The following ASIC2 variants were observed in gnomAD, a reference collection of about 807,000 sequenced individuals.
ASIC2 encodes acid sensing ion channel subunit 2.
A neutral mutation model predicts 57.3 loss-of-function variants in ASIC2; 25 were observed. The ratio of observed to expected loss-of-function variants is 0.44; its 90% CI spans 0.32 to 0.61. The LOEUF (loss-of-function observed/expected upper bound fraction) is 0.61. ASIC2 is among the 20% of genes least tolerant of loss of function. ASIC2 has a pLI of 0.06. For synonymous variants in ASIC2, 319 were observed against 307.5 expected, an observed-to-expected ratio of 1.04 and a Z score of -0.39; for missense variants, 641 against 738.1, an observed-to-expected ratio of 0.87 and a Z score of 1.52.
intron 1 of ASIC2, among the ~76,000 whole-genome samples, chr17:33,130,693 A>AG (rs1163978001): frequency 6.6e-6 from 1 of 152,018 alleles, no homozygotes; most frequent in Non-Finnish European, 1.5e-5. Flanking sequence ...TTCCTCCTGG[A>AG]GGGGGGGACT....
chr17:33,145,001 G>A (rs1904496870), intron 1 of ASIC2, among the ~76,000 whole-genome samples: 1 of 152,212 alleles, frequency 6.6e-6, no homozygotes, highest in Non-Finnish European at 1.5e-5. Flanking sequence ...GTGCAGAGCA[G>A]GTGCCACGTG....
At chr17:33,248,830 G>C (rs953027054) in intron 1 of ASIC2, among the ~76,000 whole-genome samples, 1 of 152,184 alleles carries the variant, frequency 6.6e-6, no homozygotes, top group African/African-American at 2.4e-5. Flanking sequence ...ATCCTACATG[G>C]TTTGTCCATC....
intron 1 of ASIC2, among the ~76,000 whole-genome samples, chr17:33,524,787 G>T (rs12944202): frequency 0.22 from 33,161 of 152,056 alleles, 4,626 homozygotes; most frequent in Non-Finnish European, 0.31. Flanking sequence ...TGCCCAGACT[G>T]GCCTTGAACT....
At chr17:33,327,659 G>T (rs1907130708) in intron 1 of ASIC2, among the ~76,000 whole-genome samples, 1 of 152,090 alleles carries the variant, frequency 6.6e-6, no homozygotes, top group Non-Finnish European at 1.5e-5. Flanking sequence ...TAGAAATATA[G>T]GATGCCAAAG....
chr17:33,726,226 A>T (rs904306455), intron 1 of ASIC2, among the ~76,000 whole-genome samples: 1 of 152,132 alleles, frequency 6.6e-6, no homozygotes, highest in African/African-American at 2.4e-5. Context: ...AGAGAAAGAG[A>T]TAGACACCCA....
intron 1 of ASIC2, among the ~76,000 whole-genome samples, chr17:33,789,577 G>A (rs749134639): frequency 6.6e-6 from 1 of 151,740 alleles, no homozygotes; most frequent in Non-Finnish European, 1.5e-5. Context: ...GAAAACCCTA[G>A]CACTGATGTT....
At chr17:33,553,036 T>G (rs1054323609) in intron 1 of ASIC2, among the ~76,000 whole-genome samples, 6 of 152,130 alleles carry the variant, frequency 3.9e-5, no homozygotes, top group African/African-American at 1.2e-4. Flanking sequence ...GAGTCACTTG[T>G]TCTTTGGGGC....
chr17:33,994,714 A>C (rs1906101165), intron 1 of ASIC2, among the ~76,000 whole-genome samples: 1 of 152,166 alleles, frequency 6.6e-6, no homozygotes, highest in Admixed American at 6.5e-5. Flanking sequence ...AGTGGTATCT[A>C]GTGGTCTTCT....
chr17:33,472,437 A>G (rs1217621996), intron 1 of ASIC2, among the ~76,000 whole-genome samples: 1 of 152,218 alleles, frequency 6.6e-6, no homozygotes, highest in Non-Finnish European at 1.5e-5. Flanking sequence ...TTATGGCACC[A>G]TCTTACAGGG....
chr17:34,026,261 C>T lies in ASIC2; in HGVS notation c.555+129717G>A, dbSNP rs138899745. Among the ~76,000 whole-genome samples, 816 of 152,248 alleles carry T rather than the reference C, an allele frequency of 5.4e-3. 6 individuals carry two copies. The highest frequency in any genetic ancestry group is 0.025 in the East Asian group (127 of 5,164). ...TGTATTCCCAACAGCAGTATGCCTG[C>T]CCTGAAGTCTTAATGAGAATGAGGA... On this transcript the variant is annotated intron_variant, in intron 1 of 9. Coordinates refer to the ASIC2 transcript ENST00000359872.
At position 33,464,516 on chromosome 17, in the gene ASIC2, CTTTCTTTCTTTCTTTCTTTCTTTCTCTT is replaced by C. The variant is rs1567621056; in HGVS notation, c.556-352477_556-352450del. Among the ~76,000 whole-genome samples the C allele has an allele frequency of 7.2e-4, 31 of 43,210 alleles. No individual in the cohort carries two copies. The South Asian group carries it at 0.011, about 15-fold the overall frequency. 28.3% of individuals were successfully genotyped at this position (43,210 alleles called of 152,430 possible). On this transcript the variant is annotated intron_variant, in intron 1 of 9. Transcript: ENST00000359872. The stretch of plus-strand genomic sequence containing the variant: ...TCTTTCTTTCTTTCTTTCTTTCTTT[CTTTCTTTCTTTCTTTCTTTCTTTCTCTT>C]TCTTTCTTTCTTTCTTTCTTTTCTC...
intron 1 of ASIC2, among the ~76,000 whole-genome samples, chr17:33,155,600 G>A (rs1422726678): frequency 1.5e-5 from 2 of 131,940 alleles, no homozygotes; most frequent in African/African-American, 2.9e-5. Context: ...TAGCTCTGTC[G>A]CCAGGCTGGA....
intron 1 of ASIC2, among the ~76,000 whole-genome samples, chr17:33,367,426 C>T (rs561509476): frequency 1.3e-5 from 2 of 152,328 alleles, no homozygotes; most frequent in Non-Finnish European, 2.9e-5. Context: ...CTTTCCACTG[C>T]TTCTCTCTGT....
At chr17:33,497,952 G>A (rs922290282) in intron 1 of ASIC2, among the ~76,000 whole-genome samples, 1 of 152,190 alleles carries the variant, frequency 6.6e-6, no homozygotes, top group Non-Finnish European at 1.5e-5. Flanking sequence ...AAAACAAGAG[G>A]GCAATCACAG....
intron 1 of ASIC2, among the ~76,000 whole-genome samples, chr17:33,759,609 C>T (rs2142111207): frequency 6.6e-6 from 1 of 152,290 alleles, no homozygotes; most frequent in East Asian, 1.9e-4. Context: ...ATCACAGGTT[C>T]AGAGGCCTAG....
chr17:33,520,843 A>G (rs1009358563), intron 1 of ASIC2, among the ~76,000 whole-genome samples: 1 of 152,152 alleles, frequency 6.6e-6, no homozygotes, highest in Admixed American at 6.5e-5. Context: ...GAAATGACAA[A>G]GGGTATTTTG....
At chr17:33,490,038 A>G (rs1248384929) in intron 1 of ASIC2, among the ~76,000 whole-genome samples, 2 of 152,232 alleles carry the variant, frequency 1.3e-5, no homozygotes, top group Non-Finnish European at 2.9e-5. Context: ...TGAATAGACA[A>G]TTTTGTGTTT....
At chr17:33,913,080 A>G (rs901201865) in intron 1 of ASIC2, among the ~76,000 whole-genome samples, 1 of 147,512 alleles carries the variant, frequency 6.8e-6, no homozygotes, top group Non-Finnish European at 1.5e-5. Flanking sequence ...CATTTTTGTA[A>G]TAAATCCCCC....
chr17:33,705,286 T>C (rs1377818196), intron 1 of ASIC2, among the ~76,000 whole-genome samples: 1 of 152,232 alleles, frequency 6.6e-6, no homozygotes, highest in African/African-American at 2.4e-5. Context: ...ACATATTCTT[T>C]CCTTTAATTA....
Sources: allele counts gnomAD v4.1 joint callset (sites outside exome capture counted in the v4.1 genomes callset), GRCh38; gene constraint gnomAD v4.1.1; transcripts MANE v1.5; gene names NCBI Gene and HGNC (gene_info 2026-07-23, HGNC 2026-07-21).